ELP4: variants seen among roughly 807,000 people sequenced by gnomAD.
The protein encoded by ELP4 is elongator complex protein 4.
A neutral mutation model predicts 48.9 loss-of-function variants in ELP4; 51 were observed. The ratio of observed to expected loss-of-function variants is 1.04; its 90% CI spans 0.83 to 1.32. The LOEUF (loss-of-function observed/expected upper bound fraction) is 1.32. Ranked by LOEUF, ELP4 falls within the 40% of genes most tolerant of loss-of-function variation. The pLI is 0.00. For missense variants in ELP4, 519 were observed against 514.6 expected (o/e 1.01, Z -0.08); for synonymous variants, 210 against 189.2 (o/e 1.11, Z -0.90).
intron 9 of ELP4, among the ~76,000 whole-genome samples, chr11:31,693,292 A>G (rs546302322): frequency 6.6e-6 from 1 of 152,186 alleles, no homozygotes; most frequent in East Asian, 1.9e-4. Flanking sequence ...ATATCTCCTA[A>G]TGCTAACCCT....
intron 9 of ELP4, among the ~76,000 whole-genome samples, chr11:31,778,571 AG>A (rs1393806365): frequency 3.9e-5 from 6 of 152,254 alleles, no homozygotes; most frequent in African/African-American, 1.4e-4. Context: ...AAATTAGTGT[AG>A]AACTTGATAG....
chr11:31,513,169 T>C (rs558531207), intron 1 of ELP4, among the ~76,000 whole-genome samples: 3 of 152,306 alleles, frequency 2.0e-5, no homozygotes, highest in African/African-American at 7.2e-5. Context: ...GGTTATGATA[T>C]TTTACCAACC....
intron 3 of ELP4, among the ~76,000 whole-genome samples, chr11:31,567,985 A>G (rs1413810390): frequency 6.6e-6 from 1 of 152,210 alleles, no homozygotes; most frequent in Non-Finnish European, 1.5e-5. Context: ...TCTTCTTCTT[A>G]TTAAAGATTT....
intron 5 of ELP4, among the ~76,000 whole-genome samples, chr11:31,615,339 G>C (rs1417173548): frequency 6.6e-6 from 1 of 151,872 alleles, no homozygotes; most frequent in Admixed American, 6.6e-5. Context: ...CTCAGAAAAA[G>C]ATACAGAAAT....
At chr11:31,574,628 T>C (rs983787751) in intron 3 of ELP4, among the ~76,000 whole-genome samples, 2 of 152,148 alleles carry the variant, frequency 1.3e-5, no homozygotes, top group African/African-American at 4.8e-5. Flanking sequence ...CGTTCTGCAA[T>C]ATTTGCTGTT....
At chr11:31,530,346 C>T (rs893947001) in intron 2 of ELP4, among the ~76,000 whole-genome samples, 2 of 151,998 alleles carry the variant, frequency 1.3e-5, no homozygotes, top group Admixed American at 1.3e-4. Context: ...TTCATATGTA[C>T]GTAACAAAAA....
intron 9 of ELP4, among the ~76,000 whole-genome samples, chr11:31,720,362 A>C (rs977710377): frequency 6.6e-6 from 1 of 152,066 alleles, no homozygotes; most frequent in Non-Finnish European, 1.5e-5. Flanking sequence ...TTATTCATGG[A>C]ATCATGAAGG....
intron 9 of ELP4, among the ~76,000 whole-genome samples, chr11:31,677,069 A>G (rs754270834): frequency 2.6e-5 from 4 of 152,212 alleles, no homozygotes; most frequent in Admixed American, 6.5e-5. Context: ...TAGCTCATTC[A>G]ATTAGTAGAA....
At chr11:31,755,959 A>G (rs1947825240) in intron 9 of ELP4, among the ~76,000 whole-genome samples, 1 of 152,222 alleles carries the variant, frequency 6.6e-6, no homozygotes. Context: ...CAGCAACACC[A>G]CAACAACTTT....
chr11:31,754,000 T>C (rs1408467096), intron 9 of ELP4, among the ~76,000 whole-genome samples: 2 of 152,154 alleles, frequency 1.3e-5, no homozygotes, highest in Non-Finnish European at 2.9e-5. Context: ...TAGTGATGAG[T>C]ACATGGGTGC....
intron 9 of ELP4, among the ~76,000 whole-genome samples, chr11:31,735,197 A>G (rs959877065): frequency 2.0e-5 from 3 of 151,318 alleles, no homozygotes; most frequent in Admixed American, 2.0e-4. Context: ...AAGAGATTGG[A>G]TCCTCATCTT....
intron 9 of ELP4, among the ~76,000 whole-genome samples, chr11:31,754,101 C>T (rs746263121): frequency 2.0e-5 from 3 of 152,172 alleles, no homozygotes; most frequent in Non-Finnish European, 4.4e-5. Flanking sequence ...CTTCTTACCA[C>T]CTCTGCTGCT....
intron 2 of ELP4, among the ~76,000 whole-genome samples, chr11:31,525,640 GCCTTCTT>G (rs1956284399): frequency 6.6e-6 from 1 of 152,076 alleles, no homozygotes; most frequent in African/African-American, 2.4e-5. Flanking sequence ...GGTAAGTTTG[GCCTTCTT>G]CCCCTGGATC....
intron 9 of ELP4, among the ~76,000 whole-genome samples, chr11:31,686,457 A>T (rs925305473): frequency 6.6e-6 from 1 of 152,010 alleles, no homozygotes; most frequent in Non-Finnish European, 1.5e-5. Context: ...TGGATAAAGG[A>T]GGGAAGCCCT....
intron 3 of ELP4, among the ~76,000 whole-genome samples, chr11:31,574,378 A>C (rs1957234736): frequency 6.6e-6 from 1 of 152,158 alleles, no homozygotes; most frequent in African/African-American, 2.4e-5. Flanking sequence ...ATGGAACAAA[A>C]GGCAGCAGAA....
intron 4 of ELP4, chr11:31,599,635 C>T (rs1957744081): frequency 6.6e-6 from 1 of 152,662 alleles, no homozygotes; most frequent in African/African-American, 2.4e-5. Context: ...CCTCGGGAAA[C>T]TTACAATCAT....
chr11:31,674,879 G>A (rs1945887006), intron 9 of ELP4, among the ~76,000 whole-genome samples: 1 of 152,026 alleles, frequency 6.6e-6, no homozygotes, highest in South Asian at 2.1e-4. Flanking sequence ...AAAACTGAAT[G>A]TTACCTCTTT....
At chr11:31,636,153 G>A (rs188640647) in intron 7 of ELP4, among the ~76,000 whole-genome samples, 190 of 152,002 alleles carry the variant, frequency 1.2e-3, no homozygotes, top group Middle Eastern at 6.8e-3. Context: ...TAGCAAACAA[G>A]ACAAACAAGA....
chr11:31,588,318 G>T (rs1464919361), intron 3 of ELP4, among the ~76,000 whole-genome samples: 2 of 152,108 alleles, frequency 1.3e-5, no homozygotes, highest in African/African-American at 4.8e-5. Flanking sequence ...AGGAGTAGTT[G>T]GTAGGATATG....
Sources: gnomAD v4.1 joint callset for allele counts (sites outside exome capture counted in the v4.1 genomes callset) on GRCh38, gnomAD v4.1.1 for gene constraint, MANE v1.5 for transcripts, NCBI Gene and HGNC (gene_info 2026-07-23, HGNC 2026-07-21) for gene names.